WWOX: variants seen among roughly 807,000 people sequenced by gnomAD.
The protein encoded by WWOX is WW domain-containing oxidoreductase.
WWOX carries 69 observed loss-of-function variants against 46.2 expected under a neutral mutation model. The observed-to-expected ratio is 1.49, with a 90% confidence interval of 1.23 to 1.82. The LOEUF (loss-of-function observed/expected upper bound fraction) is 1.82, where lower values mean the gene tolerates loss of function less well. Ranked by LOEUF, WWOX falls within the 40% of genes most tolerant of loss-of-function variation. The pLI, the probability that WWOX is intolerant of heterozygous loss-of-function variation, is 0.00. For synonymous variants in WWOX, 359 were observed against 202.6 expected (o/e 1.77, Z -6.56); for missense variants, 919 against 542.6 (o/e 1.69, Z -6.89).
At chr16:78,242,848 A>C (rs2037699870) in intron 5 of WWOX, among the ~76,000 whole-genome samples, 1 of 152,128 alleles carries the variant, frequency 6.6e-6, no homozygotes, top group African/African-American at 2.4e-5. Context: ...TCTCTACTAA[A>C]AATAACAAAA....
chr16:78,640,715 G>C (rs2472198), intron 8 of WWOX, among the ~76,000 whole-genome samples: 1 of 152,228 alleles, frequency 6.6e-6, no homozygotes, highest in Non-Finnish European at 1.5e-5. Context: ...GAGGCAGGCA[G>C]ATTGCCTGAG....
chr16:78,863,958 C>A (rs998759059), intron 8 of WWOX, among the ~76,000 whole-genome samples: 29 of 152,168 alleles, frequency 1.9e-4, no homozygotes, highest in African/African-American at 7.0e-4. Context: ...AATATCATTG[C>A]ATTGTATGGA....
At chr16:78,724,084 C>G (rs931121211) in intron 8 of WWOX, among the ~76,000 whole-genome samples, 5 of 152,158 alleles carry the variant, frequency 3.3e-5, no homozygotes, top group African/African-American at 1.2e-4. Flanking sequence ...ACCTCTTTAC[C>G]TTGGCAAAAA....
At chr16:78,310,082 C>T (rs557836536) in intron 5 of WWOX, among the ~76,000 whole-genome samples, 3 of 151,804 alleles carry the variant, frequency 2.0e-5, no homozygotes, top group Admixed American at 6.6e-5. Flanking sequence ...TCTCTTTTTC[C>T]TTTTCTTTCT....
chr16:79,112,652 C>G lies in WWOX; in HGVS notation c.1057-98956C>G, dbSNP rs138601083. Reference sequence around the variant, plus strand: ...CTGCATAAAAGATTAAGAAAGCACTCGCATGAATGTTTGCACATCATTTAA... The same window carrying G: ...CTGCATAAAAGATTAAGAAAGCACTGGCATGAATGTTTGCACATCATTTAA... On this transcript the variant is annotated intron_variant, in intron 8 of 8. Coordinates refer to ENST00000566780, the MANE Select transcript of WWOX (RefSeq NM_016373.4). 3.3e-5 allele frequency among the ~76,000 whole-genome samples: 5 copies of G among 152,320 alleles called. No homozygotes were observed. The East Asian group carries it at 9.6e-4, about 29-fold the overall frequency.
intron 8 of WWOX, among the ~76,000 whole-genome samples, chr16:78,996,993 C>T (rs1407261492): frequency 5.3e-5 from 8 of 152,344 alleles, no homozygotes; most frequent in African/African-American, 1.7e-4. Flanking sequence ...GGCAGTCCCT[C>T]GCTCAAATGT....
chr16:79,206,312 T>A (rs898180944), intron 8 of WWOX: 3 of 152,210 alleles, frequency 2.0e-5, no homozygotes, highest in African/African-American at 7.2e-5. Flanking sequence ...ATGGGCCACG[T>A]GCAAATATTT....
At chr16:79,190,122 T>G (rs2051104392) in intron 8 of WWOX, among the ~76,000 whole-genome samples, 1 of 152,060 alleles carries the variant, frequency 6.6e-6, no homozygotes, top group African/African-American at 2.4e-5. Context: ...TCTCCCAGGT[T>G]AAAGCAATTC....
rs144756456 is a variant in WWOX at position 79,055,253 on chromosome 16, T to C, written c.1057-156355T>C. Among the ~76,000 whole-genome samples, 400 of 151,104 alleles carry C rather than the reference T, an allele frequency of 2.6e-3. 4 individuals carry two copies. The highest frequency in any genetic ancestry group is 9.2e-3 in the African/African-American group (373 of 40,350). On this transcript the variant is annotated intron_variant, in intron 8 of 8. Coordinates refer to ENST00000566780, the MANE Select transcript of WWOX (RefSeq NM_016373.4). ...GTTTATATTGCTTAATTAGCCAGCC[T>C]TTCTAATTAACATTACATTTTGCTG...
chr16:79,146,104 T>C (rs1488404848), intron 8 of WWOX, among the ~76,000 whole-genome samples: 1 of 152,218 alleles, frequency 6.6e-6, no homozygotes, highest in East Asian at 1.9e-4. Context: ...CTGTGTTTTA[T>C]CTGTATTCCT....
intron 8 of WWOX, among the ~76,000 whole-genome samples, chr16:78,739,328 C>G (rs1410580001): frequency 1.3e-5 from 2 of 152,132 alleles, no homozygotes; most frequent in Non-Finnish European, 2.9e-5. Context: ...CCAGACGTTC[C>G]CAACACTCGC....
intron 8 of WWOX, among the ~76,000 whole-genome samples, chr16:79,027,773 G>C (rs1327013108): frequency 2.6e-5 from 4 of 151,590 alleles, no homozygotes; most frequent in Admixed American, 2.6e-4. Context: ...TTTTGATATA[G>C]ATGTCTCTTG....
At chr16:78,280,483 G>A (rs1285601765) in intron 5 of WWOX, among the ~76,000 whole-genome samples, 2 of 152,172 alleles carry the variant, frequency 1.3e-5, no homozygotes, top group Middle Eastern at 3.2e-3. Flanking sequence ...GTAAAGAAAT[G>A]CTTGAGACTG....
chr16:78,683,693 C>T (rs1207379404), intron 8 of WWOX, among the ~76,000 whole-genome samples: 3 of 152,148 alleles, frequency 2.0e-5, no homozygotes, highest in Non-Finnish European at 2.9e-5. Context: ...CGAGCTGCCA[C>T]GCCTCACCTC....
intron 8 of WWOX, among the ~76,000 whole-genome samples, chr16:78,931,264 T>G (rs1019460412): frequency 2.6e-5 from 4 of 152,062 alleles, no homozygotes; most frequent in African/African-American, 9.7e-5. Flanking sequence ...GGAACGCAGG[T>G]CAGCATGCTC....
chr16:78,637,128 T>G lies in WWOX; in HGVS notation c.1056+204376T>G, dbSNP rs74029601. Reference sequence around the variant, plus strand: ...ATCACACTGCCTGCATTTTCTAATCTTCACAATAACTCTGTGTTGAGAAAT... The same window carrying G: ...ATCACACTGCCTGCATTTTCTAATCGTCACAATAACTCTGTGTTGAGAAAT... On this transcript the variant is annotated intron_variant, in intron 8 of 8. Transcript: ENST00000566780. Among the ~76,000 whole-genome samples, 791 of 152,252 alleles carry G rather than the reference T, an allele frequency of 5.2e-3. 10 individuals carry two copies. Among genetic ancestry groups the G allele is most frequent in the African/African-American group, 0.018 (757 of 41,542 alleles).
At chr16:78,301,956 G>T (rs2080049373) in intron 5 of WWOX, among the ~76,000 whole-genome samples, 1 of 151,010 alleles carries the variant, frequency 6.6e-6, no homozygotes, top group Non-Finnish European at 1.5e-5. Flanking sequence ...TTAGATGAGG[G>T]TGTTTTTTTT....
intron 4 of WWOX, among the ~76,000 whole-genome samples, chr16:78,152,246 T>G (rs960096604): frequency 6.6e-6 from 1 of 152,262 alleles, no homozygotes; most frequent in South Asian, 2.1e-4. Flanking sequence ...CTCCGTATCA[T>G]TTCTCCTCAT....
chr16:78,297,932 G>A (rs1254232177), intron 5 of WWOX, among the ~76,000 whole-genome samples: 1 of 152,154 alleles, frequency 6.6e-6, no homozygotes, highest in African/African-American at 2.4e-5. Context: ...TAATCCCCAT[G>A]TGCTAGGGGG....
Sources: gnomAD v4.1 joint callset for allele counts (sites outside exome capture counted in the v4.1 genomes callset) on GRCh38, gnomAD v4.1.1 for gene constraint, MANE v1.5 for transcripts, NCBI Gene and HGNC (gene_info 2026-07-23, HGNC 2026-07-21) for gene names.